Variants in THRB observed in about 807,000 individuals in gnomAD.
THRB encodes the protein nuclear receptor subfamily 1 group A member 2.
THRB carries 12 observed loss-of-function variants against 47.8 expected under a neutral mutation model. That is an observed-to-expected ratio of 0.25 (90% confidence interval 0.16 to 0.41). THRB has a LOEUF of 0.41. Ranked by LOEUF, THRB falls within the 10% of genes least tolerant of loss-of-function variation. The pLI, the probability that THRB is intolerant of heterozygous loss-of-function variation, is 1.00. For synonymous variants in THRB, 218 were observed against 212.2 expected, an observed-to-expected ratio of 1.03 and a Z score of -0.24; for missense variants, 348 against 589.2, an observed-to-expected ratio of 0.59 and a Z score of 4.24.
chr3:24,222,791 CT>C (rs372572057), intron 4 of THRB, among the ~76,000 whole-genome samples: 6 of 152,282 alleles, frequency 3.9e-5, no homozygotes, highest in African/African-American at 1.4e-4. Context: ...AAAATCAAAG[CT>C]TAGCCAACAG....
At chr3:24,482,219 T>G (rs1401651106) in intron 1 of THRB, among the ~76,000 whole-genome samples, 1 of 152,190 alleles carries the variant, frequency 6.6e-6, no homozygotes, top group Admixed American at 6.5e-5. Flanking sequence ...GAAATAGTAA[T>G]AAAATTGTTT....
At chr3:24,131,361 T>A (rs1304977452) in intron 9 of THRB, among the ~76,000 whole-genome samples, 1 of 152,210 alleles carries the variant, frequency 6.6e-6, no homozygotes, top group African/African-American at 2.4e-5. Context: ...AAAATGTTAA[T>A]AGATGTCTAC....
chr3:24,489,940 G>T (rs891941750), intron 1 of THRB, among the ~76,000 whole-genome samples: 39 of 152,200 alleles, frequency 2.6e-4, no homozygotes, highest in African/African-American at 9.4e-4. Context: ...CTACTACTTG[G>T]ATACAAGAGA....
At chr3:24,449,159 T>C (rs1424839028) in intron 1 of THRB, among the ~76,000 whole-genome samples, 1 of 152,210 alleles carries the variant, frequency 6.6e-6, no homozygotes. Flanking sequence ...AAATGATTAT[T>C]AAAAATTCTT....
chr3:24,174,782 A>T (rs963438743), intron 5 of THRB, among the ~76,000 whole-genome samples: 2 of 152,180 alleles, frequency 1.3e-5, no homozygotes, highest in Non-Finnish European at 2.9e-5. Context: ...TATATCATTT[A>T]AGCCTCACAG....
intron 4 of THRB, among the ~76,000 whole-genome samples, chr3:24,215,805 C>G (rs1028260601): frequency 2.0e-5 from 3 of 152,170 alleles, no homozygotes; most frequent in African/African-American, 7.2e-5. Flanking sequence ...TGTGAAACAC[C>G]TCTTATGTGT....
chr3:24,416,165 T>C lies in THRB; in HGVS notation c.-261+78487A>G, dbSNP rs967480130. On this transcript the variant is annotated intron_variant, in intron 1 of 10. Coordinates refer to ENST00000646209, the MANE Select transcript of THRB (RefSeq NM_001354712.2). ...ATATAAACGTACTTTTAATTTTTTT[T>C]CCCCTAAGTGCTTTCATATGGAGTC... is the stretch of plus-strand genomic sequence containing the variant. Among the ~76,000 whole-genome samples, 3 of 151,956 alleles carry C rather than the reference T, an allele frequency of 2.0e-5. No homozygotes were observed. The South Asian group carries it at 6.2e-4, about 32-fold the overall frequency.
At chr3:24,323,666 T>C (rs1202865819) in intron 2 of THRB, among the ~76,000 whole-genome samples, 1 of 152,114 alleles carries the variant, frequency 6.6e-6, no homozygotes, top group Non-Finnish European at 1.5e-5. Context: ...GAAACACCAA[T>C]AGTTGGCATA....
intron 1 of THRB, among the ~76,000 whole-genome samples, chr3:24,360,638 C>A (rs1246673717): frequency 6.6e-6 from 1 of 152,096 alleles, no homozygotes; most frequent in Non-Finnish European, 1.5e-5. Flanking sequence ...TGGGGTGCAA[C>A]CTGGGCATCA....
intron 1 of THRB, among the ~76,000 whole-genome samples, chr3:24,419,614 A>T (rs1444157428): frequency 6.6e-6 from 1 of 151,948 alleles, no homozygotes; most frequent in Admixed American, 6.6e-5. Flanking sequence ...CTCCGAGTTC[A>T]TTGCTCTGCA....
chr3:24,489,053 A>T (rs1420929745), intron 1 of THRB, among the ~76,000 whole-genome samples: 1 of 152,088 alleles, frequency 6.6e-6, no homozygotes, highest in Non-Finnish European at 1.5e-5. Flanking sequence ...CAGGAGATCG[A>T]GACCATCCTG....
At chr3:24,332,966 T>A (rs941268717) in intron 2 of THRB, among the ~76,000 whole-genome samples, 1 of 152,034 alleles carries the variant, frequency 6.6e-6, no homozygotes, top group African/African-American at 2.4e-5. Context: ...GTGCCTATAG[T>A]CCCAGTTACT....
At chr3:24,262,829 C>T (rs2052210350) in intron 3 of THRB, among the ~76,000 whole-genome samples, 1 of 152,086 alleles carries the variant, frequency 6.6e-6, no homozygotes, top group African/African-American at 2.4e-5. Context: ...CGGTAAACAC[C>T]ATGAGGAAGG....
intron 1 of THRB, among the ~76,000 whole-genome samples, chr3:24,471,877 A>T (rs1244594637): frequency 6.6e-6 from 1 of 152,206 alleles, no homozygotes; most frequent in Non-Finnish European, 1.5e-5. Context: ...TGAGTAGGGA[A>T]GCTATGGATA....
intron 5 of THRB, among the ~76,000 whole-genome samples, chr3:24,184,419 G>T (rs2042304392): frequency 6.6e-6 from 1 of 152,144 alleles, no homozygotes; most frequent in Non-Finnish European, 1.5e-5. Flanking sequence ...AGCGTGGGGT[G>T]GTCCATCCTC....
rs559482421 is a variant in THRB at position 24,320,799 on chromosome 3, G to A, written c.-189+16501C>T. On this transcript the variant is annotated intron_variant, in intron 2 of 10. Coordinates refer to ENST00000646209, the MANE Select transcript of THRB (RefSeq NM_001354712.2). ...TGAACTTACCCACCCAACCCTTGCTGGCATTTGCATTTGCAATCTTGGACT... is the reference window on the plus strand; with the variant it reads ...TGAACTTACCCACCCAACCCTTGCTAGCATTTGCATTTGCAATCTTGGACT... Among the ~76,000 whole-genome samples the A allele has an allele frequency of 6.0e-4, 91 of 152,220 alleles. 1 individual carries two copies. Among genetic ancestry groups the A allele is most frequent in the Non-Finnish European group, 1.0e-3 (70 of 68,018 alleles).
intron 1 of THRB, among the ~76,000 whole-genome samples, chr3:24,396,777 G>A (rs1166840218): frequency 6.6e-6 from 1 of 152,100 alleles, no homozygotes; most frequent in African/African-American, 2.4e-5. Flanking sequence ...TACTTGAGGA[G>A]TTTCACTTTG....
At position 24,138,289 on chromosome 3, in the gene THRB, G is replaced by A. The variant is rs182125178; in HGVS notation, c.739-4827C>T. Among the ~76,000 whole-genome samples, 88 of 152,170 alleles carry A rather than the reference G, an allele frequency of 5.8e-4. No homozygotes were observed. In the South Asian group the frequency reaches 0.018, roughly 31 times the overall value. ...GGATGTCTTCTTGTACCTTTGCCAGGCTAGACAGGAAGACCTGGGCAGATA... is the reference window on the plus strand; with the variant it reads ...GGATGTCTTCTTGTACCTTTGCCAGACTAGACAGGAAGACCTGGGCAGATA... On this transcript the variant is annotated intron_variant, in intron 8 of 10. Coordinates refer to ENST00000646209, the MANE Select transcript of THRB (RefSeq NM_001354712.2).
At chr3:24,276,484 A>T (rs1019329947) in intron 3 of THRB, among the ~76,000 whole-genome samples, 1 of 152,208 alleles carries the variant, frequency 6.6e-6, no homozygotes, top group Non-Finnish European at 1.5e-5. Context: ...AAGAGTACCT[A>T]ATTTTACAAA....
Sources: allele counts gnomAD v4.1 joint callset (sites outside exome capture counted in the v4.1 genomes callset), GRCh38; gene constraint gnomAD v4.1.1; transcripts MANE v1.5; gene names NCBI Gene and HGNC (gene_info 2026-07-23, HGNC 2026-07-21).